NFIB: variants seen among roughly 807,000 people sequenced by gnomAD.
NFIB encodes nuclear factor I B.
In NFIB, 11 loss-of-function variants were observed where a neutral mutation model predicts 61.5. That is an observed-to-expected ratio of 0.18 (90% CI 0.11 to 0.30). NFIB has a LOEUF of 0.30. Ranked by LOEUF, NFIB falls within the 10% of genes least tolerant of loss-of-function variation. NFIB has a pLI of 1.00. For missense variants in NFIB, 471 were observed against 608.9 expected (o/e 0.77, Z 2.38); for synonymous variants, 260 against 216.5 (o/e 1.20, Z -1.76).
chr9:14,129,487 T>C (rs1381854202), intron 6 of NFIB, among the ~76,000 whole-genome samples: 1 of 150,770 alleles, frequency 6.6e-6, no homozygotes, highest in African/African-American at 2.4e-5. Context: ...AAAGATAGAG[T>C]TTCTAGCTAT....
intron 3 of NFIB, among the ~76,000 whole-genome samples, chr9:14,168,859 T>C (rs1271290691): frequency 6.6e-6 from 1 of 152,212 alleles, no homozygotes; most frequent in Non-Finnish European, 1.5e-5. Context: ...TCCTCTGTTC[T>C]TTCTACATTC....
chr9:14,235,358 G>C (rs952008898), intron 2 of NFIB, among the ~76,000 whole-genome samples: 1 of 152,160 alleles, frequency 6.6e-6, no homozygotes, highest in African/African-American at 2.4e-5. Context: ...CTCACCAGCT[G>C]TAAAAGCCTG....
At chr9:14,145,758 C>G (rs2042213598) in intron 6 of NFIB, among the ~76,000 whole-genome samples, 1 of 151,526 alleles carries the variant, frequency 6.6e-6, no homozygotes, top group Middle Eastern at 3.4e-3. Flanking sequence ...TCAACTGATC[C>G]TCCCACCTCA....
chr9:14,411,939 A>T, the NFIB span, among the ~76,000 whole-genome samples: 14 of 152,128 alleles, frequency 9.2e-5, no homozygotes, highest in Non-Finnish European at 1.8e-4. Flanking sequence ...GCCCAAAGAG[A>T]GGCCTATGTG....
At chr9:14,430,099 C>T in the NFIB span, among the ~76,000 whole-genome samples, 1 of 152,174 alleles carries the variant, frequency 6.6e-6, no homozygotes, top group African/African-American at 2.4e-5. Flanking sequence ...AAGAAGATAA[C>T]TCTGACCCAC....
rs764621502 is a variant in NFIB at position 14,088,266 on chromosome 9, C to T, written c.*43G>A. ...TCAAACCGTAATTTTGGACATTGGC[C>T]GGTAAGATGGGTGTCCTATTTGACA... On this transcript the variant is annotated 3_prime_UTR_variant, in exon 11 of 11. Coordinates refer to ENST00000380953, the MANE Select transcript of NFIB (RefSeq NM_001190737.2). 1.3e-5 allele frequency: 21 copies of T among 1,593,962 alleles called. No homozygotes were observed. Among genetic ancestry groups the T allele is most frequent in the South Asian group, 2.3e-5 (2 of 87,616 alleles).
At position 14,284,003 on chromosome 9, in the gene NFIB, T is replaced by A. The variant is rs1450629775; in HGVS notation, c.562+22986A>T. On this transcript the variant is annotated intron_variant, in intron 2 of 10. Coordinates refer to ENST00000380953, the MANE Select transcript of NFIB (RefSeq NM_001190737.2). ...CTTGGAGATGCAGAGAAGACCCTTTTTTAAAAAATAGTTTTACTGGAGAAG... is the reference window on the plus strand; with the variant it reads ...CTTGGAGATGCAGAGAAGACCCTTTATTAAAAAATAGTTTTACTGGAGAAG... 2.0e-5 allele frequency among the ~76,000 whole-genome samples: 3 copies of A among 152,178 alleles called. No individual in the cohort carries two copies. In the East Asian group the frequency reaches 5.8e-4, roughly 29 times the overall value.
chr9:14,393,675 T>A (rs1040108289), intron 1 of NFIB, among the ~76,000 whole-genome samples: 1 of 152,200 alleles, frequency 6.6e-6, no homozygotes, highest in Non-Finnish European at 1.5e-5. Flanking sequence ...TGAGCTTGCC[T>A]ACCAGGAGGA....
intron 2 of NFIB, among the ~76,000 whole-genome samples, chr9:14,185,989 C>G (rs1451993844): frequency 6.6e-6 from 1 of 152,264 alleles, no homozygotes; most frequent in Non-Finnish European, 1.5e-5. Flanking sequence ...TTTTAATGAC[C>G]TTTATAGATA....
At chr9:14,379,939 T>A (rs2061466884) in intron 1 of NFIB, among the ~76,000 whole-genome samples, 1 of 151,936 alleles carries the variant, frequency 6.6e-6, no homozygotes, top group African/African-American at 2.4e-5. Flanking sequence ...CACTTCAGCC[T>A]CCCAAAGTAC....
At chr9:14,090,765 G>A (rs1224432147) in intron 10 of NFIB, among the ~76,000 whole-genome samples, 1 of 152,000 alleles carries the variant, frequency 6.6e-6, no homozygotes, top group Non-Finnish European at 1.5e-5. Context: ...CAAATTAAGT[G>A]AGCTCAAGAA....
intron 2 of NFIB, among the ~76,000 whole-genome samples, chr9:14,190,908 C>G (rs923682457): frequency 2.0e-5 from 3 of 152,154 alleles, no homozygotes; most frequent in Admixed American, 1.3e-4. Context: ...TACAGATAAT[C>G]CTGGCCAGGC....
At chr9:14,150,586 G>A (rs1250433402) in intron 4 of NFIB, among the ~76,000 whole-genome samples, 1 of 151,926 alleles carries the variant, frequency 6.6e-6, no homozygotes, top group Admixed American at 6.6e-5. Context: ...AAAATGCCTT[G>A]GAGGAAACAG....
At chr9:14,434,894 G>A in the NFIB span, among the ~76,000 whole-genome samples, 2 of 152,180 alleles carry the variant, frequency 1.3e-5, no homozygotes, top group Non-Finnish European at 1.5e-5. Context: ...GGGAACAGCT[G>A]GAGCTAGCTG....
intron 1 of NFIB, among the ~76,000 whole-genome samples, chr9:14,370,651 C>T (rs907811942): frequency 3.3e-5 from 5 of 152,206 alleles, no homozygotes; most frequent in East Asian, 1.9e-4. Context: ...CAGGATCACA[C>T]GACACTGGAA....
intron 1 of NFIB, among the ~76,000 whole-genome samples, chr9:14,359,081 G>A (rs1484311204): frequency 3.9e-5 from 6 of 152,136 alleles, no homozygotes; most frequent in Non-Finnish European, 5.9e-5. Context: ...GTTGGCCATG[G>A]TAGCAGCGTT....
chr9:14,290,894 T>G (rs2059049360), intron 2 of NFIB, among the ~76,000 whole-genome samples: 1 of 152,096 alleles, frequency 6.6e-6, no homozygotes, highest in African/African-American at 2.4e-5. Flanking sequence ...TATTTTATAG[T>G]ATGCTCTCAT....
At chr9:14,454,316 T>C in the NFIB span, among the ~76,000 whole-genome samples, 1 of 152,252 alleles carries the variant, frequency 6.6e-6, no homozygotes, top group Non-Finnish European at 1.5e-5. Context: ...GAAGATTATG[T>C]TGCTATTTAG....
chr9:14,166,951 G>A lies in NFIB; in HGVS notation c.617-11058C>T, dbSNP rs567700123. Among the ~76,000 whole-genome samples, 5 of 152,036 alleles carry A rather than the reference G, an allele frequency of 3.3e-5. No individual in the cohort carries two copies. The East Asian group carries it at 5.8e-4, about 18-fold the overall frequency. On this transcript the variant is annotated intron_variant, in intron 3 of 10. Coordinates refer to ENST00000380953, the MANE Select transcript of NFIB (RefSeq NM_001190737.2). Reference sequence around the variant, plus strand: ...TTCACTTTTCGTATAAGTCTTCTGGGTAAACATTTTCTCTGGAATTTTTTT... The same window carrying A: ...TTCACTTTTCGTATAAGTCTTCTGGATAAACATTTTCTCTGGAATTTTTTT...
Sources: allele counts gnomAD v4.1 joint callset (sites outside exome capture counted in the v4.1 genomes callset), GRCh38; gene constraint gnomAD v4.1.1; transcripts MANE v1.5; gene names NCBI Gene and HGNC (gene_info 2026-07-23, HGNC 2026-07-21).